Variants in CLSTN2 observed in about 807,000 individuals in gnomAD.
The protein encoded by CLSTN2 is calsyntenin 2, also known as calsyntenin-2.
A neutral mutation model predicts 101.2 loss-of-function variants in CLSTN2; 48 were observed. The observed-to-expected ratio is 0.47, with a 90% CI of 0.38 to 0.60. CLSTN2 has a LOEUF of 0.60. CLSTN2 is among the 20% of genes least tolerant of loss of function. The pLI is 0.00. For missense variants in CLSTN2, 1,160 were observed against 1,238.2 expected (o/e 0.94, Z 0.95); for synonymous variants, 481 against 463.6 (o/e 1.04, Z -0.48).
intron 1 of CLSTN2, among the ~76,000 whole-genome samples, chr3:140,003,745 G>A (rs937317034): frequency 6.6e-6 from 1 of 152,074 alleles, no homozygotes; most frequent in Non-Finnish European, 1.5e-5. Flanking sequence ...AAGGGATGTT[G>A]AATTTTATCA....
chr3:140,466,334 G>A (rs1040758353), intron 7 of CLSTN2, among the ~76,000 whole-genome samples: 1 of 152,184 alleles, frequency 6.6e-6, no homozygotes, highest in Admixed American at 6.5e-5. Flanking sequence ...TGGGACTGAT[G>A]CAGTATCTGA....
chr3:140,092,380 A>T (rs953845242), intron 1 of CLSTN2, among the ~76,000 whole-genome samples: 2 of 152,212 alleles, frequency 1.3e-5, no homozygotes, highest in African/African-American at 2.4e-5. Context: ...TGAACATTTC[A>T]TGGGAAGAAG....
chr3:140,377,688 T>A (rs1559853037), intron 2 of CLSTN2, among the ~76,000 whole-genome samples: 1 of 152,202 alleles, frequency 6.6e-6, no homozygotes, highest in East Asian at 1.9e-4. Context: ...TTAAGCTCAG[T>A]GTTACAAAAC....
intron 5 of CLSTN2, among the ~76,000 whole-genome samples, chr3:140,440,849 T>G (rs2088755821): frequency 6.6e-6 from 1 of 152,212 alleles, no homozygotes; most frequent in South Asian, 2.1e-4. Context: ...GCTCAGCTGG[T>G]AAGGCAGGAC....
chr3:140,203,121 T>C (rs1482882350), intron 2 of CLSTN2, among the ~76,000 whole-genome samples: 1 of 152,206 alleles, frequency 6.6e-6, no homozygotes, highest in Admixed American at 6.5e-5. Context: ...GAAACCTTTA[T>C]TATTTTAAGC....
chr3:140,458,016 C>T (rs1032522558), intron 6 of CLSTN2, among the ~76,000 whole-genome samples: 2 of 152,158 alleles, frequency 1.3e-5, no homozygotes, highest in Non-Finnish European at 2.9e-5. Flanking sequence ...CATAGCATAA[C>T]CTTCTATTGC....
At chr3:140,103,161 A>G (rs2107791001) in intron 1 of CLSTN2, among the ~76,000 whole-genome samples, 1 of 152,306 alleles carries the variant, frequency 6.6e-6, no homozygotes, top group South Asian at 2.1e-4. Flanking sequence ...GTACCTGGGC[A>G]TTGCTTATAG....
chr3:140,040,948 C>T (rs1240155799), intron 1 of CLSTN2, among the ~76,000 whole-genome samples: 1 of 152,112 alleles, frequency 6.6e-6, no homozygotes, highest in Non-Finnish European at 1.5e-5. Flanking sequence ...GGGTCTTTGA[C>T]ATCCAACTCA....
At chr3:139,981,965 C>T (rs530586491) in intron 1 of CLSTN2, among the ~76,000 whole-genome samples, 96 of 151,996 alleles carry the variant, frequency 6.3e-4, no homozygotes, top group Admixed American at 2.0e-3. Flanking sequence ...AGTATTCCAG[C>T]GCAGCTGGGT....
intron 8 of CLSTN2, chr3:140,508,681 T>G (rs1031160780): frequency 3.3e-5 from 5 of 152,226 alleles, no homozygotes; most frequent in African/African-American, 1.2e-4. Context: ...CTTCCTGGCC[T>G]GCTCAAATAT....
intron 8 of CLSTN2, chr3:140,508,859 G>A (rs1430108818): frequency 6.6e-6 from 1 of 152,204 alleles, no homozygotes; most frequent in Non-Finnish European, 1.5e-5. Flanking sequence ...AAAAACCTGG[G>A]AGGAGGAAGA....
At chr3:140,138,438 C>T (rs538504638) in intron 1 of CLSTN2, among the ~76,000 whole-genome samples, 4 of 152,314 alleles carry the variant, frequency 2.6e-5, no homozygotes, top group South Asian at 4.1e-4. Context: ...AGCATCCTTC[C>T]TGGGTTGGAG....
intron 1 of CLSTN2, among the ~76,000 whole-genome samples, chr3:140,140,938 G>A (rs58371048): frequency 0.12 from 18,127 of 152,062 alleles, 3,165 homozygotes; most frequent in African/African-American, 0.39. Flanking sequence ...TATGGCCTCC[G>A]TCAGGGAAGA....
chr3:140,368,068 T>A (rs2087812691), intron 2 of CLSTN2, among the ~76,000 whole-genome samples: 1 of 152,180 alleles, frequency 6.6e-6, no homozygotes, highest in Non-Finnish European at 1.5e-5. Context: ...TTTTATTTAT[T>A]CCAGTGCATC....
At chr3:139,950,624 G>T (rs1935280119) in intron 1 of CLSTN2, among the ~76,000 whole-genome samples, 1 of 152,124 alleles carries the variant, frequency 6.6e-6, no homozygotes, top group South Asian at 2.1e-4. Context: ...AGAACCAATG[G>T]TCCCTTTTAA....
chr3:140,503,999 A>G (rs371362202), intron 8 of CLSTN2, among the ~76,000 whole-genome samples: 1 of 152,294 alleles, frequency 6.6e-6, no homozygotes, highest in East Asian at 1.9e-4. Context: ...CCCTTAGCAG[A>G]TAAAGCCACA....
intron 5 of CLSTN2, among the ~76,000 whole-genome samples, chr3:140,441,688 T>G (rs551286139): frequency 5.3e-5 from 8 of 152,316 alleles, no homozygotes; most frequent in African/African-American, 1.2e-4. Context: ...GAGGAACTCA[T>G]GCCTAGAGGC....
chr3:140,020,989 C>T (rs955662059), intron 1 of CLSTN2, among the ~76,000 whole-genome samples: 1 of 152,198 alleles, frequency 6.6e-6, no homozygotes, highest in Non-Finnish European at 1.5e-5. Context: ...AACTTGTGTG[C>T]TCCCTTCTCC....
chr3:139,971,537 A>G (rs996405380), intron 1 of CLSTN2, among the ~76,000 whole-genome samples: 1 of 152,136 alleles, frequency 6.6e-6, no homozygotes, highest in Non-Finnish European at 1.5e-5. Context: ...TTCCTGGAGG[A>G]GGTATGGCCT....
Sources: gnomAD v4.1 joint callset for allele counts (sites outside exome capture counted in the v4.1 genomes callset) on GRCh38, gnomAD v4.1.1 for gene constraint, MANE v1.5 for transcripts, NCBI Gene and HGNC (gene_info 2026-07-23, HGNC 2026-07-21) for gene names.